The following PARVA variants were observed in gnomAD, a reference collection of about 807,000 sequenced individuals.
PARVA encodes the protein parvin alpha.
A neutral mutation model predicts 52.6 loss-of-function variants in PARVA; 25 were observed. The ratio of observed to expected loss-of-function variants is 0.48; its 90% CI spans 0.35 to 0.66. PARVA has a LOEUF of 0.66. Among genes scored for constraint, PARVA ranks in the 30% least tolerant of loss-of-function variants. The pLI is 0.01. For missense variants in PARVA, 373 were observed against 450.9 expected (o/e 0.83, Z 1.56); for synonymous variants, 185 against 179.1 (o/e 1.03, Z -0.26).
chr11:12,490,350 C>T (rs1488489500), intron 4 of PARVA, among the ~76,000 whole-genome samples: 1 of 151,784 alleles, frequency 6.6e-6, no homozygotes, highest in Non-Finnish European at 1.5e-5. Context: ...ATGGTGAAAC[C>T]CCATTTCTAC....
intron 1 of PARVA, among the ~76,000 whole-genome samples, chr11:12,400,297 C>T (rs1204594572): frequency 6.6e-6 from 1 of 152,066 alleles, no homozygotes; most frequent in Non-Finnish European, 1.5e-5. Flanking sequence ...TCCATGATTA[C>T]CAGTGAGGTT....
chr11:12,473,599 T>C, intron 1 of PARVA, 146 bp from the exon 2 acceptor site: 1 of 647,412 alleles, frequency 1.5e-6, no homozygotes, highest in South Asian at 1.9e-5. Flanking sequence ...GGCGAGGCCA[T>C]GAATTGATCG....
intron 5 of PARVA, among the ~76,000 whole-genome samples, chr11:12,497,779 G>C (rs935682564): frequency 1.3e-5 from 2 of 152,156 alleles, no homozygotes; most frequent in Admixed American, 6.5e-5. Context: ...GTCAATGGGG[G>C]AGAACAAGGC....
chr11:12,442,583 A>G (rs1009994041), intron 1 of PARVA, among the ~76,000 whole-genome samples: 6 of 152,208 alleles, frequency 3.9e-5, no homozygotes, highest in Admixed American at 2.0e-4. Flanking sequence ...TCTCAGGTAC[A>G]AGACAAAAAG....
At chr11:12,470,402 G>A (rs981501022) in intron 1 of PARVA, among the ~76,000 whole-genome samples, 1 of 152,200 alleles carries the variant, frequency 6.6e-6, no homozygotes, top group African/African-American at 2.4e-5. Context: ...AGCAACCCTT[G>A]GAGGTCGGCA....
chr11:12,464,490 G>A (rs180833685), intron 1 of PARVA, among the ~76,000 whole-genome samples: 17 of 152,254 alleles, frequency 1.1e-4, no homozygotes, highest in Admixed American at 1.1e-3. Context: ...ATCAACTAGA[G>A]TGCCGTGCCT....
At chr11:12,510,437 A>G (rs1475034952) in intron 7 of PARVA, among the ~76,000 whole-genome samples, 1 of 152,246 alleles carries the variant, frequency 6.6e-6, no homozygotes, top group East Asian at 1.9e-4. Flanking sequence ...ATCTGATTTA[A>G]GTATTTACCA....
intron 5 of PARVA, among the ~76,000 whole-genome samples, chr11:12,501,633 C>G (rs1941364412): frequency 6.6e-6 from 1 of 152,192 alleles, no homozygotes; most frequent in Non-Finnish European, 1.5e-5. Flanking sequence ...AAATGCTGAT[C>G]TAAACCATCC....
Position 12,415,719 on chromosome 11 carries a change from A to C in PARVA, c.136+37936A>C, listed in dbSNP as rs929948709. ...AGTAAAATTCAGCATTAACATGAGCAGTCAGTAATTCAAATTTTATTTGCT... is the reference window on the plus strand; with the variant it reads ...AGTAAAATTCAGCATTAACATGAGCCGTCAGTAATTCAAATTTTATTTGCT... On this transcript the variant is annotated intron_variant, in intron 1 of 12. Transcript: ENST00000334956. Among the ~76,000 whole-genome samples the C allele has an allele frequency of 2.0e-4, 30 of 152,346 alleles. 1 individual carries two copies. Among genetic ancestry groups the C allele is most frequent in the Admixed American group, 1.8e-3 (28 of 15,300 alleles).
intron 5 of PARVA, among the ~76,000 whole-genome samples, chr11:12,498,463 C>A (rs1426172475): frequency 6.6e-6 from 1 of 152,186 alleles, no homozygotes; most frequent in South Asian, 2.1e-4. Context: ...ACTCGTATTA[C>A]CATGCTAATC....
chr11:12,511,847 G>A (rs1271620901), intron 8 of PARVA, among the ~76,000 whole-genome samples: 1 of 152,188 alleles, frequency 6.6e-6, no homozygotes, highest in Non-Finnish European at 1.5e-5. Flanking sequence ...CAGCCCAAGG[G>A]TGAAGGAGGA....
intron 7 of PARVA, among the ~76,000 whole-genome samples, chr11:12,510,653 T>A (rs151326128): frequency 2.0e-4 from 30 of 152,266 alleles, no homozygotes; most frequent in East Asian, 7.7e-4. Context: ...GGCAAAAGGC[T>A]CTTCTTACAT....
At chr11:12,488,095 G>A (rs1430482998) in intron 4 of PARVA, among the ~76,000 whole-genome samples, 1 of 151,982 alleles carries the variant, frequency 6.6e-6, no homozygotes, top group African/African-American at 2.4e-5. Context: ...AATAGAAAGA[G>A]GAAACTACTT....
chr11:12,395,178 G>A (rs1188616388), intron 1 of PARVA, among the ~76,000 whole-genome samples: 1 of 151,372 alleles, frequency 6.6e-6, no homozygotes, highest in African/African-American at 2.4e-5. Context: ...TTTGATTCAC[G>A]TTTGGTTGAA....
chr11:12,461,225 G>A lies in PARVA; in HGVS notation c.137-12520G>A, dbSNP rs553639403. Among the ~76,000 whole-genome samples, 8 of 152,264 alleles carry A rather than the reference G, an allele frequency of 5.3e-5. No individual in the cohort carries two copies. In the East Asian group the frequency reaches 7.7e-4, roughly 15 times the overall value. On this transcript the variant is annotated intron_variant, in intron 1 of 12. Transcript: ENST00000334956. Reference sequence around the variant, plus strand: ...GATGCCCATACATGCTTATGAATCTGTGAGATAAGTAATGCCAGCTCCACC... The same window carrying A: ...GATGCCCATACATGCTTATGAATCTATGAGATAAGTAATGCCAGCTCCACC...
intron 1 of PARVA, among the ~76,000 whole-genome samples, chr11:12,460,546 T>C (rs1940762718): frequency 6.6e-6 from 1 of 152,080 alleles, no homozygotes; most frequent in Non-Finnish European, 1.5e-5. Flanking sequence ...CTCTTCAGGG[T>C]AAACCACCGA....
At chr11:12,508,469 T>G in intron 6 of PARVA, 115 bp from the exon 7 acceptor site, 1 of 797,188 alleles carries the variant, frequency 1.3e-6, no homozygotes, top group Non-Finnish European at 2.2e-6. Flanking sequence ...CTTGGGTGCA[T>G]TTCTTAAACA....
At chr11:12,482,027 G>A (rs1342078073) in intron 4 of PARVA, among the ~76,000 whole-genome samples, 3 of 151,472 alleles carry the variant, frequency 2.0e-5, no homozygotes, top group Non-Finnish European at 4.4e-5. Flanking sequence ...AAATTAGCCG[G>A]GCATGGTGGT....
At chr11:12,400,585 G>A (rs1490256510) in intron 1 of PARVA, among the ~76,000 whole-genome samples, 1 of 152,050 alleles carries the variant, frequency 6.6e-6, no homozygotes, top group African/African-American at 2.4e-5. Context: ...CAAATACTAT[G>A]TATTGATAAT....
Sources: gnomAD v4.1 joint callset for allele counts (sites outside exome capture counted in the v4.1 genomes callset) on GRCh38, gnomAD v4.1.1 for gene constraint, MANE v1.5 for transcripts, NCBI Gene and HGNC (gene_info 2026-07-23, HGNC 2026-07-21) for gene names.